PSG7: variants seen among roughly 807,000 people sequenced by gnomAD.
PSG7 encodes pregnancy-specific beta-1-glycoprotein 7.
In PSG7, 57 loss-of-function variants were observed where a neutral mutation model predicts 45.6. The ratio of observed to expected loss-of-function variants is 1.25; its 90% CI spans 1.01 to 1.56. PSG7 has a LOEUF of 1.56. PSG7 is among the 40% of genes most tolerant of loss of function. The probability of loss-of-function intolerance (pLI) is 0.00; values close to 1 mark genes in which losing one functional copy is unlikely to be tolerated. For synonymous variants in PSG7, 298 were observed against 194.4 expected (o/e 1.53, Z -4.43); for missense variants, 796 against 508.4 (o/e 1.57, Z -5.44).
intron 2 of PSG7, among the ~76,000 whole-genome samples, chr19:42,933,284 TATATATATATA>T (rs1973064295): frequency 8.4e-4 from 7 of 8,354 alleles, no homozygotes; most frequent in African/African-American, 2.2e-3. Flanking sequence ...TATATATATA[TATATATATATA>T]TATATATATA....
Position 42,925,764 on chromosome 19 carries a change from TCC to T in PSG7, c.1243+7_1243+8del. The T allele has an allele frequency of 6.2e-7, 1 of 1,611,938 alleles. No homozygotes were observed. The highest frequency in any genetic ancestry group is 8.5e-7 in the Non-Finnish European group (1 of 1,178,984). On this transcript the variant is annotated splice_region_variant and intron_variant, in intron 5 of 5. Transcript: ENST00000406070. ...AACCCTATTGCCAAGGATGCTGGGATCCACTTACCAGAGACTCTGACTGTCAC... is the reference window on the plus strand; with the variant it reads ...AACCCTATTGCCAAGGATGCTGGGATACTTACCAGAGACTCTGACTGTCAC...
At chr19:42,933,301 A>ATTTTTTTTTTTTTTTTTTTT (rs1439847468) in intron 2 of PSG7, among the ~76,000 whole-genome samples, 1 of 14,660 alleles carries the variant, frequency 6.8e-5, no homozygotes, top group African/African-American at 1.8e-4. Context: ...ATATATATAT[A>ATTTTTTTTTTTTTTTTTTTT]TATATATTTT....
chr19:42,928,152 T>C (rs1972935630), intron 3 of PSG7, among the ~76,000 whole-genome samples: 1 of 151,642 alleles, frequency 6.6e-6, no homozygotes. Flanking sequence ...TGCACTTGTA[T>C]ATTTTTGAAT....
At chr19:42,933,309 T>TATATATA (rs1568459658) in intron 2 of PSG7, among the ~76,000 whole-genome samples, 13 of 21,140 alleles carry the variant, frequency 6.1e-4, no homozygotes, top group Admixed American at 2.3e-3. Flanking sequence ...ATATATATAT[T>TATATATA]TTTTTTTTTT....
chr19:42,937,026 C>T lies in PSG7; in HGVS notation c.51G>A (p.Gly17=), dbSNP rs1481019986. 6.2e-7 allele frequency: 1 copy of T among 1,611,522 alleles called. No homozygotes were observed. The highest frequency in any genetic ancestry group is 8.5e-7 in the Non-Finnish European group (1 of 1,178,542). Reference sequence around the variant, plus strand: ...TTCTCTCCTCACCTGTGAGCAGGAGCCCTTTCCAGGTTATATGCTGTGTGC... The same window carrying T: ...TTCTCTCCTCACCTGTGAGCAGGAGTCCTTTCCAGGTTATATGCTGTGTGC... ...PPCTQHITWK[G]LLLTASLLNF... The change falls in exon 1 of 6, where the codon GGG becomes GGA. Residue 17 remains glycine (G), a synonymous_variant. Transcript: ENST00000406070.
At chr19:42,930,788 C>T (rs1568458041) in intron 2 of PSG7, among the ~76,000 whole-genome samples, 1 of 151,428 alleles carries the variant, frequency 6.6e-6, no homozygotes, top group African/African-American at 2.4e-5. Context: ...GGCACTGTTC[C>T]GTGGGTGTGT....
At chr19:42,932,873 G>A (rs1406989983) in intron 2 of PSG7, among the ~76,000 whole-genome samples, 1 of 151,234 alleles carries the variant, frequency 6.6e-6, no homozygotes, top group African/African-American at 2.4e-5. Flanking sequence ...GTGTCATTTG[G>A]CAAGAGTTTA....
At position 42,926,054 on chromosome 19, in the gene PSG7, G is replaced by T. The variant is rs371657203; in HGVS notation, c.989-27C>A. On this transcript the variant is annotated intron_variant, in intron 4 of 5. Coordinates refer to ENST00000406070, the MANE Select transcript of PSG7 (RefSeq NM_002783.3). ...TGGAGGAAAGAGAATAAAGCCACAG[G>T]TGATGTTATCCGAGGGAAGGGGATG... 709 of 1,606,998 alleles carry T rather than the reference G, an allele frequency of 4.4e-4. 12 individuals are homozygous for T. Among genetic ancestry groups the T allele is most frequent in the Non-Finnish European group, 5.8e-4 (682 of 1,175,876 alleles).
intron 2 of PSG7, 44 bp from the exon 3 acceptor site, chr19:42,929,764 G>A (rs1374256477): frequency 1.3e-6 from 2 of 1,587,904 alleles, no homozygotes; most frequent in African/African-American, 2.7e-5. Context: ...TGGCACCTTT[G>A]ACTCCTCCAA....
chr19:42,928,512 T>C (rs1308174726), intron 3 of PSG7, among the ~76,000 whole-genome samples: 1 of 151,750 alleles, frequency 6.6e-6, no homozygotes, highest in Non-Finnish European at 1.5e-5. Flanking sequence ...TTGGTTAAAC[T>C]TATTCCAAAA....
At chr19:42,927,748 G>A (rs143464876) in intron 3 of PSG7, among the ~76,000 whole-genome samples, 4 of 151,592 alleles carry the variant, frequency 2.6e-5, no homozygotes, top group Non-Finnish European at 5.9e-5. Flanking sequence ...GAGACTGCTG[G>A]TTGCCAGGAG....
Position 42,937,135 on chromosome 19 carries a change from C to T in PSG7, c.-59G>A. 6.3e-7 allele frequency: 1 copy of T among 1,581,582 alleles called. No individual in the cohort carries two copies. Among genetic ancestry groups the T allele is most frequent in the Non-Finnish European group, 8.6e-7 (1 of 1,156,566 alleles). On this transcript the variant is annotated 5_prime_UTR_variant, in exon 1 of 6. Coordinates refer to ENST00000406070, the MANE Select transcript of PSG7 (RefSeq NM_002783.3). The stretch of plus-strand genomic sequence containing the variant: ...GATGAGCCTAGGATCCAGAATCTTC[C>T]TGAGCACGGCTGTCAGCTGTGCTGT...
At chr19:42,928,399 T>G (rs116922145) in intron 3 of PSG7, among the ~76,000 whole-genome samples, 19,975 of 151,548 alleles carry the variant, frequency 0.13, 1,773 homozygotes, top group Admixed American at 0.17. Context: ...ACAATATTGA[T>G]TCTTCCAATC....
chr19:42,925,743 C>A (rs151140791), intron 5 of PSG7, 30 bp downstream of exon 5: 12 of 1,611,450 alleles, frequency 7.4e-6, no homozygotes. Context: ...ACCTAAAACC[C>A]TATTGCCAAG....
chr19:42,933,303 A>ATTTTTTTT (rs1418931958), intron 2 of PSG7, among the ~76,000 whole-genome samples: 5 of 14,844 alleles, frequency 3.4e-4, no homozygotes, highest in South Asian at 4.7e-3. Flanking sequence ...ATATATATAT[A>ATTTTTTTT]TATATTTTTT....
intron 2 of PSG7, among the ~76,000 whole-genome samples, chr19:42,935,008 G>A (rs904926601): frequency 2.0e-5 from 3 of 151,624 alleles, no homozygotes; most frequent in Non-Finnish European, 2.9e-5. Context: ...TTAGGGACAG[G>A]GGTCTGGGGT....
intron 5 of PSG7, 86 bp from the exon 6 acceptor site, chr19:42,924,910 T>A: frequency 1.3e-6 from 1 of 759,614 alleles, no homozygotes; most frequent in South Asian, 1.4e-5. Flanking sequence ...TCCACATAAT[T>A]TTTCTCTCTA....
rs756049458 is a variant in PSG7, at chr19:42,925,732, C to T, written c.1243+41G>A. The stretch of plus-strand genomic sequence containing the variant: ...TTTTCTCTGAAAGTCAGATAGACTG[C>T]ACCTAAAACCCTATTGCCAAGGATG... On this transcript the variant is annotated intron_variant, in intron 5 of 5. Coordinates refer to ENST00000406070, the MANE Select transcript of PSG7 (RefSeq NM_002783.3). The T allele has an allele frequency of 8.1e-6, 13 of 1,610,734 alleles. 1 individual carries two copies. In the East Asian group the frequency reaches 2.7e-4, roughly 33 times the overall value.
intron 3 of PSG7, chr19:42,927,673 C>T (rs191743381): frequency 6.6e-6 from 1 of 151,708 alleles, no homozygotes; most frequent in East Asian, 1.9e-4. Context: ...ATTCTACTCT[C>T]TGATTCCTTG....
Sources: allele counts gnomAD v4.1 joint callset (sites outside exome capture counted in the v4.1 genomes callset), GRCh38; gene constraint gnomAD v4.1.1; transcripts MANE v1.5; gene names NCBI Gene and HGNC (gene_info 2026-07-23, HGNC 2026-07-21).